GPC5: variants seen among roughly 807,000 people sequenced by gnomAD.
GPC5 encodes the protein glypican 5, also known as glypican-5.
Under a neutral mutation model 53.9 loss-of-function variants are expected in GPC5, and 47 were observed. The observed-to-expected ratio is 0.87, with a 90% CI of 0.69 to 1.11. GPC5 has a LOEUF of 1.11. Among genes scored for constraint, GPC5 ranks in the 50% most tolerant of loss-of-function variants. The pLI, the probability that GPC5 is intolerant of heterozygous loss-of-function variation, is 0.00. For synonymous variants in GPC5, 286 were observed against 263.3 expected, an observed-to-expected ratio of 1.09 and a Z score of -0.84; for missense variants, 748 against 713.1, an observed-to-expected ratio of 1.05 and a Z score of -0.56.
chr13:92,546,703 T>A (rs1882128582), intron 7 of GPC5, among the ~76,000 whole-genome samples: 1 of 152,176 alleles, frequency 6.6e-6, no homozygotes. Context: ...AGAGCCCACA[T>A]TGCCAAGTCA....
chr13:91,851,816 C>T (rs1413793006), intron 5 of GPC5, among the ~76,000 whole-genome samples: 3 of 141,332 alleles, frequency 2.1e-5, no homozygotes, highest in Non-Finnish European at 4.6e-5. Flanking sequence ...CATGTCCCTA[C>T]AAAGGACATG....
At chr13:92,217,939 G>T (rs2042422861) in intron 7 of GPC5, among the ~76,000 whole-genome samples, 1 of 114,702 alleles carries the variant, frequency 8.7e-6, no homozygotes. Flanking sequence ...TTTTTTTTAG[G>T]CAGGGTCACA....
At chr13:91,794,420 C>T (rs992257237) in intron 5 of GPC5, among the ~76,000 whole-genome samples, 15 of 152,144 alleles carry the variant, frequency 9.9e-5, no homozygotes, top group African/African-American at 3.6e-4. Flanking sequence ...GCCTGTCACA[C>T]GATTCTAACA....
intron 2 of GPC5, among the ~76,000 whole-genome samples, chr13:91,606,123 C>T (rs1303085352): frequency 1.0e-4 from 14 of 136,984 alleles, no homozygotes; most frequent in South Asian, 2.6e-4. Flanking sequence ...TTTTGAAATA[C>T]GTCCCATCAA....
At chr13:92,354,150 T>A (rs1404664554) in intron 7 of GPC5, among the ~76,000 whole-genome samples, 5 of 152,220 alleles carry the variant, frequency 3.3e-5, no homozygotes, top group Non-Finnish European at 7.3e-5. Context: ...CAAAGTCATA[T>A]GTGCCCTGAA....
intron 7 of GPC5, among the ~76,000 whole-genome samples, chr13:92,163,130 G>T (rs2042002335): frequency 6.6e-6 from 1 of 152,040 alleles, no homozygotes; most frequent in Non-Finnish European, 1.5e-5. Context: ...AATATAATAA[G>T]ATAAAATTAC....
chr13:92,588,751 G>GT (rs1883623773), intron 7 of GPC5, among the ~76,000 whole-genome samples: 1 of 152,252 alleles, frequency 6.6e-6, no homozygotes, highest in East Asian at 1.9e-4. Flanking sequence ...ACAATAGCAT[G>GT]TTTTTTATAA....
intron 2 of GPC5, among the ~76,000 whole-genome samples, chr13:91,664,604 T>C (rs532226194): frequency 2.0e-5 from 3 of 152,384 alleles, no homozygotes; most frequent in African/African-American, 7.2e-5. Context: ...GATCCATTCA[T>C]TCTGTATATA....
chr13:91,812,019 T>A (rs1355260623), intron 5 of GPC5, among the ~76,000 whole-genome samples: 1 of 152,174 alleles, frequency 6.6e-6, no homozygotes, highest in Non-Finnish European at 1.5e-5. Context: ...AAACAAAATA[T>A]ATAGACTATG....
chr13:92,484,514 C>T (rs1026438591), intron 7 of GPC5: 1 of 152,086 alleles, frequency 6.6e-6, no homozygotes, highest in Non-Finnish European at 1.5e-5. Context: ...TTGTCTACAT[C>T]AGCATCACCG....
chr13:91,488,448 G>A (rs555109771), intron 2 of GPC5, among the ~76,000 whole-genome samples: 3 of 152,276 alleles, frequency 2.0e-5, no homozygotes, highest in South Asian at 2.1e-4. Flanking sequence ...CGGAGGGACC[G>A]CCTGAAGCCA....
intron 4 of GPC5, among the ~76,000 whole-genome samples, chr13:91,754,386 C>T (rs949911316): frequency 5.3e-5 from 8 of 151,948 alleles, no homozygotes; most frequent in Non-Finnish European, 1.2e-4. Context: ...GCAGTATAGC[C>T]GTGGGAAAGA....
At chr13:92,199,234 A>G (rs2042277817) in intron 7 of GPC5, among the ~76,000 whole-genome samples, 1 of 152,120 alleles carries the variant, frequency 6.6e-6, no homozygotes, top group Non-Finnish European at 1.5e-5. Flanking sequence ...TGAAAAGTGC[A>G]TTTTTCTGTT....
chr13:92,099,542 T>C (rs1338656860), intron 6 of GPC5, among the ~76,000 whole-genome samples: 1 of 152,214 alleles, frequency 6.6e-6, no homozygotes, highest in Non-Finnish European at 1.5e-5. Context: ...AACTGTGTTT[T>C]TGCTTTGTGC....
At chr13:91,497,666 G>A (rs536011891) in intron 2 of GPC5, among the ~76,000 whole-genome samples, 65 of 152,290 alleles carry the variant, frequency 4.3e-4, no homozygotes, top group African/African-American at 1.3e-3. Context: ...AGAAGGTAAT[G>A]AATTGGGAAT....
intron 3 of GPC5, among the ~76,000 whole-genome samples, chr13:91,694,633 C>T (rs2035840426): frequency 6.6e-6 from 1 of 152,174 alleles, no homozygotes; most frequent in Non-Finnish European, 1.5e-5. Context: ...TCTCATATCC[C>T]AGAGTGAAAT....
chr13:91,875,127 T>C (rs987081322), intron 5 of GPC5, among the ~76,000 whole-genome samples: 1 of 152,214 alleles, frequency 6.6e-6, no homozygotes, highest in Non-Finnish European at 1.5e-5. Context: ...GTCAGACTTG[T>C]GTCTCTAAGG....
At chr13:92,344,357 A>C (rs972107498) in intron 7 of GPC5, among the ~76,000 whole-genome samples, 26 of 152,232 alleles carry the variant, frequency 1.7e-4, no homozygotes, top group African/African-American at 6.3e-4. Flanking sequence ...AGTCCCTCCC[A>C]CGACATGCAG....
At chr13:92,506,899 G>A (rs901034420) in intron 7 of GPC5, among the ~76,000 whole-genome samples, 1 of 152,140 alleles carries the variant, frequency 6.6e-6, no homozygotes, top group Non-Finnish European at 1.5e-5. Flanking sequence ...GCTCTTATTG[G>A]AATATTAGAA....
Sources: gnomAD v4.1 joint callset for allele counts (sites outside exome capture counted in the v4.1 genomes callset) on GRCh38, gnomAD v4.1.1 for gene constraint, MANE v1.5 for transcripts, NCBI Gene and HGNC (gene_info 2026-07-23, HGNC 2026-07-21) for gene names.